The following MAST4 variants were observed in gnomAD, a reference collection of about 807,000 sequenced individuals.
MAST4 encodes the protein microtubule associated serine/threonine kinase family member 4.
In MAST4, 89 loss-of-function variants were observed where a neutral mutation model predicts 162.7. The ratio of observed to expected loss-of-function variants is 0.55; its 90% confidence interval spans 0.46 to 0.65. The LOEUF is 0.65. Ranked by LOEUF, MAST4 falls within the 30% of genes least tolerant of loss-of-function variation. The pLI is 0.00. For synonymous variants in MAST4, 1,479 were observed against 1,361.1 expected (o/e 1.09, Z -1.91); for missense variants, 3,153 against 3,374.0 (o/e 0.93, Z 1.62).
Position 67,163,020 on chromosome 5 carries a change from C to A in MAST4, c.3968-127C>A. ...AGGTTTATCTGAAAAGTGTTTATTC[C>A]ACTAGCTAAATGCTGAGACAATTTG... On this transcript the variant is annotated intron_variant, in intron 28 of 28. Coordinates refer to ENST00000403625, the MANE Select transcript of MAST4 (RefSeq NM_001164664.2). The surrounding 1 kb of genome is among the most constrained non-coding windows in gnomAD (Gnocchi z 7.0). The A allele has an allele frequency of 8.6e-7, 1 of 1,158,284 alleles. No homozygotes were observed. The highest frequency in any genetic ancestry group is 1.2e-6 in the Non-Finnish European group (1 of 817,368). The allele number at this position is 1,158,284 out of a possible 1,614,324, so 71.8% of individuals were successfully genotyped here.
intron 1 of MAST4, among the ~76,000 whole-genome samples, chr5:66,751,734 A>G (rs1753186397): frequency 6.6e-6 from 1 of 150,826 alleles, no homozygotes; most frequent in Admixed American, 6.6e-5. Flanking sequence ...GATATTATCC[A>G]GGAGAACTTC....
chr5:66,810,415 C>T (rs1055238273), intron 3 of MAST4, among the ~76,000 whole-genome samples: 5 of 152,136 alleles, frequency 3.3e-5, no homozygotes, highest in African/African-American at 9.7e-5. Flanking sequence ...GGTGTTGACA[C>T]CCTGATTGGG....
chr5:66,637,680 T>C (rs1281082871), intron 1 of MAST4, among the ~76,000 whole-genome samples: 1 of 152,180 alleles, frequency 6.6e-6, no homozygotes, highest in East Asian at 1.9e-4. Flanking sequence ...CTGTTACAGA[T>C]AGAAAGTTTT....
intron 14 of MAST4, among the ~76,000 whole-genome samples, chr5:67,124,997 A>T (rs1236195028): frequency 1.3e-5 from 2 of 152,158 alleles, no homozygotes; most frequent in Non-Finnish European, 1.5e-5. Context: ...AGAAATGGTG[A>T]TTCTTGATTG....
chr5:66,630,405 A>G (rs1744717733), intron 1 of MAST4, among the ~76,000 whole-genome samples: 1 of 152,156 alleles, frequency 6.6e-6, no homozygotes, highest in Non-Finnish European at 1.5e-5. Flanking sequence ...AATAGTTATA[A>G]TTTTGGATTT....
intron 4 of MAST4, among the ~76,000 whole-genome samples, chr5:66,982,817 T>C (rs532187961): frequency 6.6e-6 from 1 of 152,290 alleles, no homozygotes; most frequent in Non-Finnish European, 1.5e-5. Flanking sequence ...TATTTGCAAT[T>C]TGTTCGAAGG....
chr5:66,729,167 AATGCAATGATT>A lies in MAST4; in HGVS notation c.364-30534_364-30524del, dbSNP rs1211592112. Among the ~76,000 whole-genome samples the A allele has an allele frequency of 2.6e-5, 4 of 152,220 alleles. No homozygotes were observed. In the South Asian group the frequency reaches 6.2e-4, roughly 24 times the overall value. ...TAAGTGTGTGTGTTTTATGTCAGTG[AATGCAATGATT>A]ATGCAATTAGGAATATTTAGGTATG... On this transcript the variant is annotated intron_variant, in intron 1 of 28. Transcript: ENST00000403625.
At chr5:66,844,812 G>T (rs1256813457) in intron 3 of MAST4, among the ~76,000 whole-genome samples, 1 of 152,056 alleles carries the variant, frequency 6.6e-6, no homozygotes, top group Non-Finnish European at 1.5e-5. Flanking sequence ...CCTGGCATCA[G>T]TGGTTGAGTT....
At chr5:66,723,779 G>A (rs1438321173) in intron 1 of MAST4, among the ~76,000 whole-genome samples, 4 of 152,100 alleles carry the variant, frequency 2.6e-5, no homozygotes, top group African/African-American at 7.2e-5. Context: ...TTCTCACCCA[G>A]ATCATTTAAG....
In MAST4 at chr5:66,765,214, C is replaced by T. The variant is rs142269255; in HGVS notation, c.517+5352C>T. The stretch of plus-strand genomic sequence containing the variant: ...ACAATGACAGAATTGCCTAAGGAAG[C>T]ATTTCTCAGAATGTATACTTTTTGC... On this transcript the variant is annotated intron_variant, in intron 2 of 28. Coordinates refer to ENST00000403625, the MANE Select transcript of MAST4 (RefSeq NM_001164664.2). Among the ~76,000 whole-genome samples, 19 of 152,272 alleles carry T rather than the reference C, an allele frequency of 1.2e-4. No individual in the cohort carries two copies. In the East Asian group the frequency reaches 3.7e-3, roughly 29 times the overall value.
intron 10 of MAST4, among the ~76,000 whole-genome samples, chr5:67,107,987 G>T (rs986620019): frequency 6.6e-6 from 1 of 152,124 alleles, no homozygotes. Context: ...CTCTTCATGG[G>T]CTAATCGTGT....
chr5:66,927,020 TC>T (rs1444078724), intron 4 of MAST4, among the ~76,000 whole-genome samples: 1 of 152,200 alleles, frequency 6.6e-6, no homozygotes, highest in East Asian at 1.9e-4. Context: ...GTGATTCCCT[TC>T]CTATGTTTTT....
chr5:66,771,186 CT>C lies in MAST4; in HGVS notation c.517+11336del, dbSNP rs536857710. 2.4e-3 allele frequency among the ~76,000 whole-genome samples: 350 copies of C among 145,038 alleles called. 3 individuals carry two copies. The highest frequency in any genetic ancestry group is 0.018 in the Middle Eastern group (5 of 284). ...GTAAATATATTTCTTTCTTTTCTTT[CT>C]TTTTTTTTTTTATTTGAGACGGAGT... On this transcript the variant is annotated intron_variant, in intron 2 of 28. Transcript: ENST00000403625.
At chr5:67,162,167 C>T (rs1210463974) in intron 27 of MAST4, among the ~76,000 whole-genome samples, 4 of 152,172 alleles carry the variant, frequency 2.6e-5, no homozygotes, top group Admixed American at 2.6e-4. Context: ...TTGGCCTCTG[C>T]CCAGCCTATC....
At chr5:66,998,860 G>C (rs1299520969) in intron 4 of MAST4, among the ~76,000 whole-genome samples, 2 of 152,240 alleles carry the variant, frequency 1.3e-5, no homozygotes, top group Non-Finnish European at 2.9e-5. Context: ...TCATGCAGGA[G>C]CTCTCAGGAG....
intron 4 of MAST4, among the ~76,000 whole-genome samples, chr5:67,027,951 G>T (rs902044876): frequency 6.6e-6 from 1 of 152,134 alleles, no homozygotes; most frequent in African/African-American, 2.4e-5. Flanking sequence ...CATGTGTTAG[G>T]GATTGTGCTG....
intron 1 of MAST4, among the ~76,000 whole-genome samples, chr5:66,656,135 G>A (rs1268057145): frequency 6.6e-6 from 1 of 152,190 alleles, no homozygotes; most frequent in Non-Finnish European, 1.5e-5. Flanking sequence ...AGCCACAGGT[G>A]GGCCAGAGGC....
intron 1 of MAST4, among the ~76,000 whole-genome samples, chr5:66,644,409 C>A (rs1283461022): frequency 2.0e-5 from 3 of 152,196 alleles, no homozygotes; most frequent in African/African-American, 7.2e-5. Flanking sequence ...GCTTAGGTAA[C>A]TTTTGTTCAT....
At chr5:66,955,972 G>T (rs867133551) in intron 4 of MAST4, among the ~76,000 whole-genome samples, 1 of 145,066 alleles carries the variant, frequency 6.9e-6, no homozygotes, top group Non-Finnish European at 1.5e-5. Context: ...GTCTTTTAAG[G>T]TTTTTTTTTT....
Sources: allele counts gnomAD v4.1 joint callset (sites outside exome capture counted in the v4.1 genomes callset), GRCh38; gene constraint gnomAD v4.1.1; non-coding constraint Gnocchi (gnomAD v3.1); transcripts MANE v1.5; gene names NCBI Gene and HGNC (gene_info 2026-07-23, HGNC 2026-07-21).